Variants in TAFA5 observed in about 807,000 individuals in gnomAD.
TAFA5 encodes the protein chemokine-like protein TAFA-5.
Under a neutral mutation model 15.3 loss-of-function variants are expected in TAFA5, and 6 were observed. That is an observed-to-expected ratio of 0.39 (90% CI 0.21 to 0.77). TAFA5 has a LOEUF of 0.77. TAFA5 is among the 30% of genes least tolerant of loss of function. The pLI, the probability that TAFA5 is intolerant of heterozygous loss-of-function variation, is 0.41. For synonymous variants in TAFA5, 103 were observed against 80.7 expected, an observed-to-expected ratio of 1.28 and a Z score of -1.48; for missense variants, 161 against 193.1, an observed-to-expected ratio of 0.83 and a Z score of 0.98.
chr22:48,587,585 G>A (rs1282121994), intron 1 of TAFA5, among the ~76,000 whole-genome samples: 1 of 152,128 alleles, frequency 6.6e-6, no homozygotes, highest in Non-Finnish European at 1.5e-5. Flanking sequence ...AGCCCTGGAG[G>A]GTCCCAGGGT....
intron 1 of TAFA5, among the ~76,000 whole-genome samples, chr22:48,568,975 G>A (rs1040591085): frequency 2.6e-5 from 4 of 152,208 alleles, no homozygotes; most frequent in Admixed American, 2.0e-4. Context: ...TTGTGCTCAC[G>A]GCCAGGGCTA....
chr22:48,749,717 T>C, intron 3 of TAFA5, 122 bp from the exon 4 acceptor site: 1 of 1,083,050 alleles, frequency 9.2e-7, no homozygotes, highest in Non-Finnish European at 1.4e-6. Flanking sequence ...GATGAGCTCT[T>C]CGTTTCAGGC....
At chr22:48,655,842 T>TC (rs1307361812) in intron 2 of TAFA5, among the ~76,000 whole-genome samples, 2 of 135,512 alleles carry the variant, frequency 1.5e-5, no homozygotes, top group African/African-American at 5.7e-5. Flanking sequence ...TTTTTTTTTT[T>TC]TTTTTTTTTT....
chr22:48,662,255 G>A (rs78295252), intron 2 of TAFA5, among the ~76,000 whole-genome samples: 8,974 of 152,162 alleles, frequency 0.059, 367 homozygotes, highest in African/African-American at 0.11. Flanking sequence ...GGTGCAGGGA[G>A]TCAAGGCTGG....
chr22:48,537,798 G>T (rs1922221905), intron 1 of TAFA5, among the ~76,000 whole-genome samples: 1 of 152,250 alleles, frequency 6.6e-6, no homozygotes, highest in African/African-American at 2.4e-5. Flanking sequence ...CCAGGCTCCT[G>T]CCGGAGTGAA....
At chr22:48,614,397 T>A (rs1480991204) in intron 1 of TAFA5, among the ~76,000 whole-genome samples, 1 of 152,246 alleles carries the variant, frequency 6.6e-6, no homozygotes, top group East Asian at 1.9e-4. Flanking sequence ...CATTCACAGA[T>A]GCACTGATGC....
chr22:48,713,064 C>T (rs1169963116), intron 3 of TAFA5, among the ~76,000 whole-genome samples: 6 of 152,256 alleles, frequency 3.9e-5, no homozygotes, highest in Admixed American at 2.6e-4. Context: ...GCTGTGCCAT[C>T]TCCTACATCA....
At chr22:48,592,300 G>A (rs1924597846) in intron 1 of TAFA5, among the ~76,000 whole-genome samples, 1 of 152,232 alleles carries the variant, frequency 6.6e-6, no homozygotes, top group Non-Finnish European at 1.5e-5. Flanking sequence ...AGCCCCCCAG[G>A]GTTGAGCCTT....
At chr22:48,715,421 G>A (rs111687420) in intron 3 of TAFA5, among the ~76,000 whole-genome samples, 22 of 152,320 alleles carry the variant, frequency 1.4e-4, no homozygotes, top group African/African-American at 4.8e-4. Flanking sequence ...CAGAGACAGC[G>A]GACATGCATC....
At chr22:48,590,661 A>G (rs1924535592) in intron 1 of TAFA5, among the ~76,000 whole-genome samples, 2 of 152,178 alleles carry the variant, frequency 1.3e-5, no homozygotes, top group South Asian at 4.2e-4. Flanking sequence ...CGGCTGGTGT[A>G]CCTTTGAAAG....
intron 1 of TAFA5, among the ~76,000 whole-genome samples, chr22:48,630,795 G>A (rs1412137184): frequency 4.2e-5 from 2 of 47,200 alleles, no homozygotes. Context: ...CTGGGCACTC[G>A]GCTGTGGGGC....
chr22:48,704,081 C>T (rs773789614), intron 2 of TAFA5, among the ~76,000 whole-genome samples: 14 of 152,250 alleles, frequency 9.2e-5, no homozygotes, highest in South Asian at 2.1e-4. Context: ...CTACCTTGGG[C>T]GCCATGGTAC....
chr22:48,588,540 C>T (rs181514847), intron 1 of TAFA5, among the ~76,000 whole-genome samples: 186 of 152,280 alleles, frequency 1.2e-3, no homozygotes, highest in African/African-American at 4.1e-3. Context: ...CTCCTCACCC[C>T]GTCCCCTGTG....
rs1923200165 is a variant in TAFA5 at position 48,560,629 on chromosome 22, G to A, written c.112+70925G>A. 6.6e-6 allele frequency among the ~76,000 whole-genome samples: 1 copy of A among 150,906 alleles called. No homozygotes were observed. Among genetic ancestry groups the A allele is most frequent in the Admixed American group, 6.6e-5 (1 of 15,120 alleles). On this transcript the variant is annotated intron_variant, in intron 1 of 3. Transcript: ENST00000402357. The surrounding 1 kb of genome is among the most constrained non-coding windows in gnomAD (Gnocchi z 4.2). ...TAATTATTTATTTATTTATTTTTGA[G>A]ATGGAGTTTCGCTCTTGTTGCCCAG...
At position 48,727,263 on chromosome 22, in the gene TAFA5, C is replaced by G. The variant is rs1929741556; in HGVS notation, c.390+19419C>G. On this transcript the variant is annotated intron_variant, in intron 3 of 3. Coordinates refer to ENST00000402357, the MANE Select transcript of TAFA5 (RefSeq NM_001082967.3). ...TCACAGCACTATTATTTAATATACT[C>G]TGTATATTATGAAAAACAATTGGTG... Among the ~76,000 whole-genome samples the G allele has an allele frequency of 3.3e-5, 5 of 152,082 alleles. No individual in the cohort carries two copies. The South Asian group carries it at 8.3e-4, about 25-fold the overall frequency.
chr22:48,554,961 C>T lies in TAFA5; in HGVS notation c.112+65257C>T, dbSNP rs116549323. On this transcript the variant is annotated intron_variant, in intron 1 of 3. Coordinates refer to ENST00000402357, the MANE Select transcript of TAFA5 (RefSeq NM_001082967.3). ...AGCTGTGTCCTCGGGAGTCCCTGGG[C>T]GGGGGCCCAGGGTGGCAATGTAGCC... 8.1e-3 allele frequency among the ~76,000 whole-genome samples: 1,240 copies of T among 152,218 alleles called. 16 individuals are homozygous for T. The highest frequency in any genetic ancestry group is 0.029 in the African/African-American group (1,187 of 41,542).
intron 2 of TAFA5, among the ~76,000 whole-genome samples, chr22:48,666,623 T>C (rs1927625610): frequency 2.5e-5 from 2 of 79,004 alleles, no homozygotes; most frequent in South Asian, 8.4e-4. Context: ...TACACTGCCA[T>C]TCCCTCTTGG....
chr22:48,637,008 T>TTGCCAGATGATGTGCCTGGCC (rs1429567981), intron 1 of TAFA5, among the ~76,000 whole-genome samples: 26 of 152,320 alleles, frequency 1.7e-4, no homozygotes, highest in Middle Eastern at 3.4e-3. Flanking sequence ...AAAGCCGGGC[T>TTGCCAGATGATGTGCCTGGCC]TGCCAGATGA....
At position 48,669,853 on chromosome 22, in the gene TAFA5, T is replaced by C. The variant is rs573587842; in HGVS notation, c.262+23107T>C. Among the ~76,000 whole-genome samples the C allele has an allele frequency of 6.6e-5, 10 of 152,362 alleles. No homozygotes were observed. In the East Asian group the frequency reaches 1.5e-3, roughly 23 times the overall value. ...TCTGGCCCTCGCATATGAAGGCTATTGCAAAGCTGAGATTGTGATTCCACG... is the reference window on the plus strand; with the variant it reads ...TCTGGCCCTCGCATATGAAGGCTATCGCAAAGCTGAGATTGTGATTCCACG... On this transcript the variant is annotated intron_variant, in intron 2 of 3. Coordinates refer to ENST00000402357, the MANE Select transcript of TAFA5 (RefSeq NM_001082967.3).
Sources: allele counts gnomAD v4.1 joint callset (sites outside exome capture counted in the v4.1 genomes callset), GRCh38; gene constraint gnomAD v4.1.1; non-coding constraint Gnocchi (gnomAD v3.1); transcripts MANE v1.5; gene names NCBI Gene and HGNC (gene_info 2026-07-23, HGNC 2026-07-21).